Variants in ZNF391 observed in about 807,000 individuals in gnomAD.
ZNF391 encodes the protein zinc finger protein 391.
For missense variants in ZNF391, 375 were observed against 425.5 expected, an observed-to-expected ratio of 0.88 and a Z score of 1.04; for synonymous variants, 126 against 142.1, an observed-to-expected ratio of 0.89 and a Z score of 0.80.
intron 1 of ZNF391, among the ~76,000 whole-genome samples, chr6:27,377,400 C>G (rs570815317): frequency 6.6e-6 from 1 of 152,306 alleles, no homozygotes; most frequent in South Asian, 2.1e-4. Context: ...CTAAGGAAAA[C>G]TCAAGCTGGA....
intron 1 of ZNF391, among the ~76,000 whole-genome samples, chr6:27,398,686 G>A (rs1005834260): frequency 1.3e-4 from 20 of 152,164 alleles, no homozygotes; most frequent in African/African-American, 2.6e-4. Context: ...GTGAAACCCC[G>A]TCTCTACTAA....
In ZNF391 at chr6:27,401,360, G is replaced by A; in HGVS notation, c.990G>A (p.Glu330=). ...LIIHQRTHTG[E]KPYKCNDCGK... Reference sequence around the variant, plus strand: ...TTCATCAGAGAACTCATACCGGGGAGAAGCCGTACAAATGTAATGACTGTG... The same window carrying A: ...TTCATCAGAGAACTCATACCGGGGAAAAGCCGTACAAATGTAATGACTGTG... The change falls in exon 3 of 3, where the codon GAG becomes GAA. Residue 330 remains glutamate, a synonymous_variant. Transcript: ENST00000244576. 1 of 1,613,998 alleles carries A rather than the reference G, an allele frequency of 6.2e-7. No homozygotes were observed. The highest frequency in any genetic ancestry group is 8.5e-7 in the Non-Finnish European group (1 of 1,180,022).
rs74463919 is a variant in ZNF391, at chr6:27,374,968, C to T, written n.354C>T. On this transcript the variant is annotated non_coding_transcript_exon_variant, in exon 1 of 3. Transcript: ENST00000477999. The surrounding 1 kb of genome is among the most constrained non-coding windows in gnomAD (Gnocchi z 5.3). ...AGTGGCCTGGAGGGCGCGTCCCGGG[C>T]TCCCCTACGCCTTTTGGAATCAGCG... 4,543 of 152,514 alleles carry T rather than the reference C, an allele frequency of 0.03. 83 individuals carry two copies. The highest frequency in any genetic ancestry group is 0.044 in the Middle Eastern group (13 of 298). The allele number at this position is 152,514 out of a possible 1,614,324, so 9.4% of individuals were successfully genotyped here.
intron 1 of ZNF391, among the ~76,000 whole-genome samples, chr6:27,381,057 C>A (rs548305655): frequency 4.6e-5 from 7 of 152,280 alleles, no homozygotes; most frequent in Non-Finnish European, 8.8e-5. Flanking sequence ...AGTCCCGCGC[C>A]GTGCGCCCAC....
Position 27,400,744 on chromosome 6 carries a change from T to C in ZNF391, c.374T>C (p.Leu125Pro), listed in dbSNP as rs1365007425. ...EKAFSYQSDL[L>P]VHSRIHGGEK... ...GCCTTTAGTTACCAATCAGACCTTCTTGTACACAGTAGAATTCATGGTGGA... is the reference window on the plus strand; with the variant it reads ...GCCTTTAGTTACCAATCAGACCTTCCTGTACACAGTAGAATTCATGGTGGA... Residue 125 changes from leucine to proline, a missense_variant, in exon 3 of 3, where the codon CTT (leucine) becomes CCT (proline). Coordinates refer to ENST00000244576, the MANE Select transcript of ZNF391 (RefSeq NM_001076781.3). The C allele has an allele frequency of 1.9e-6, 3 of 1,614,208 alleles. No individual in the cohort carries two copies. The highest frequency in any genetic ancestry group is 1.3e-5 in the African/African-American group (1 of 75,070).
intron 1 of ZNF391, among the ~76,000 whole-genome samples, chr6:27,397,555 A>G (rs1761854254): frequency 1.3e-5 from 2 of 152,228 alleles, no homozygotes; most frequent in Non-Finnish European, 2.9e-5. Context: ...GATCTGAGCT[A>G]CAAGAATGGA....
At chr6:27,391,176 G>A (rs1369847291) in intron 1 of ZNF391, 1 of 146,050 alleles carries the variant, frequency 6.8e-6, no homozygotes, top group Non-Finnish European at 1.5e-5. Flanking sequence ...AGAGGAGATG[G>A]GATTACTTTG....
chr6:27,396,228 G>A (rs750217690), intron 1 of ZNF391, among the ~76,000 whole-genome samples: 5 of 152,070 alleles, frequency 3.3e-5, no homozygotes, highest in Non-Finnish European at 5.9e-5. Context: ...TGAAGGAGAA[G>A]GAAAAGGAAA....
At chr6:27,400,214 T>C in intron 2 of ZNF391, 79 bp from the exon 3 acceptor site, 1 of 595,590 alleles carries the variant, frequency 1.7e-6, no homozygotes, top group Non-Finnish European at 2.8e-6. Context: ...TTCAAATTAG[T>C]TGTCTTTTCT....
Position 27,400,294 on chromosome 6 carries a change from T to A in ZNF391, c.-77T>A. On this transcript the variant is annotated splice_region_variant and 5_prime_UTR_variant, in exon 3 of 3. Transcript: ENST00000244576. ...ATTTACACTTTAAATGTCTTTCAGA[T>A]AGGGGGATTTGAGCTGAACCAAAGC... The A allele has an allele frequency of 8.8e-7, 1 of 1,137,892 alleles. No individual in the cohort carries two copies. The highest frequency in any genetic ancestry group is 1.3e-6 in the Non-Finnish European group (1 of 791,656). 70.5% of individuals were successfully genotyped at this position (1,137,892 alleles called of 1,614,324 possible). A position where few individuals can be genotyped will look rare whatever the true frequency, so the allele number is the denominator to read the frequency against.
chr6:27,391,459 T>C (rs1444982545), intron 1 of ZNF391, among the ~76,000 whole-genome samples: 2 of 152,112 alleles, frequency 1.3e-5, no homozygotes, highest in Non-Finnish European at 2.9e-5. Context: ...CCACCTGTCT[T>C]GGCCTCCCAA....
intron 1 of ZNF391, among the ~76,000 whole-genome samples, chr6:27,380,770 G>C (rs1467695562): frequency 6.7e-6 from 1 of 149,096 alleles, no homozygotes; most frequent in Non-Finnish European, 1.5e-5. Context: ...GTCCCCACCA[G>C]ATTAGCTAGA....
Position 27,399,530 on chromosome 6 carries a change from T to G in ZNF391, c.-99T>G, listed in dbSNP as rs747813525. 14 of 152,212 alleles carry G rather than the reference T, an allele frequency of 9.2e-5. No individual in the cohort carries two copies. The highest frequency in any genetic ancestry group is 1.9e-4 in the Non-Finnish European group (13 of 68,036). The allele number at this position is 152,212 out of a possible 1,614,324, so 9.4% of individuals were successfully genotyped here. ...ATCTTCAGGAAGCTGAAGAGGGCAG[T>G]GCCCAGAAATACCTGTCTTGGTGAG... is the stretch of plus-strand genomic sequence containing the variant. On this transcript the variant is annotated 5_prime_UTR_variant, in exon 2 of 3. Coordinates refer to ENST00000244576, the MANE Select transcript of ZNF391 (RefSeq NM_001076781.3).
At chr6:27,395,307 G>A (rs1206111014) in intron 1 of ZNF391, among the ~76,000 whole-genome samples, 1 of 151,560 alleles carries the variant, frequency 6.6e-6, no homozygotes, top group Non-Finnish European at 1.5e-5. Context: ...GTGGCTTGGT[G>A]CTGTCCTTGC....
chr6:27,388,045 T>C (rs911451345), upstream of ZNF391, among the ~76,000 whole-genome samples: 1 of 152,198 alleles, frequency 6.6e-6, no homozygotes, highest in Non-Finnish European at 1.5e-5. Context: ...CTGTCATGTA[T>C]CAGACCTGCA....
chr6:27,392,867 A>AT (rs1369379658), intron 1 of ZNF391, among the ~76,000 whole-genome samples: 7 of 152,180 alleles, frequency 4.6e-5, no homozygotes, highest in African/African-American at 1.4e-4. Flanking sequence ...ACTTCACACT[A>AT]TTTTTTTGTA....
intron 1 of ZNF391, among the ~76,000 whole-genome samples, chr6:27,390,675 GAAGGGAGACTC>G: frequency 1.3e-5 from 2 of 152,320 alleles, no homozygotes; most frequent in Middle Eastern, 6.8e-3. Flanking sequence ...AGCAGCTGCT[GAAGGGAGACTC>G]ATAAATCCTC....
intron 1 of ZNF391, among the ~76,000 whole-genome samples, chr6:27,395,361 T>G (rs1761802080): frequency 6.6e-6 from 1 of 152,016 alleles, no homozygotes; most frequent in Admixed American, 6.6e-5. Context: ...TAAAAGCGTG[T>G]CATCTCCCTG....
chr6:27,396,730 AAAAG>A (rs1341415541), intron 1 of ZNF391, among the ~76,000 whole-genome samples: 1 of 152,192 alleles, frequency 6.6e-6, no homozygotes, highest in Non-Finnish European at 1.5e-5. Context: ...CTGTCTCAAA[AAAAG>A]AAAGAAAAAA....
Sources: allele counts gnomAD v4.1 joint callset (sites outside exome capture counted in the v4.1 genomes callset), GRCh38; gene constraint gnomAD v4.1.1; non-coding constraint Gnocchi (gnomAD v3.1); transcripts MANE v1.5; gene names NCBI Gene and HGNC (gene_info 2026-07-23, HGNC 2026-07-21).